Variants in CRY1 observed in about 807,000 individuals in gnomAD.
CRY1 encodes the protein cryptochrome-1.
In CRY1, 45 loss-of-function variants were observed where a neutral mutation model predicts 76.0. That is an observed-to-expected ratio of 0.59 (90% CI 0.47 to 0.76). CRY1 has a LOEUF of 0.76. Ranked by LOEUF, CRY1 falls within the 30% of genes least tolerant of loss-of-function variation. The pLI is 0.00. For missense variants in CRY1, 587 were observed against 716.4 expected, an observed-to-expected ratio of 0.82 and a Z score of 2.06; for synonymous variants, 248 against 244.0, an observed-to-expected ratio of 1.02 and a Z score of -0.15.
intron 2 of CRY1, 57 bp from the exon 3 acceptor site, chr12:107,005,305 T>C: frequency 2.6e-6 from 4 of 1,517,578 alleles, no homozygotes; most frequent in Non-Finnish European, 3.5e-6. Flanking sequence ...TTTTTTCTAT[T>C]ATAACGAAAA....
rs1274380642 is a variant in CRY1 at position 107,001,342 on chromosome 12, C to T, written c.622G>A (p.Ala208Thr). 1.2e-6 allele frequency: 2 copies of T among 1,613,456 alleles called. No individual in the cohort carries two copies. The highest frequency in any genetic ancestry group is 1.1e-5 in the South Asian group (1 of 90,882). The change falls in exon 5 of 13, where the codon GCA becomes ACA. Residue 208 changes from alanine to threonine, a missense_variant. Transcript: ENST00000008527. The part of the protein sequence containing the change: ...LGFDTDGLSS[A>T]VWPGGETEAL... ...TCAGTTTCTCCACCTGGCCACACTG[C>T]AGAGGATAAGCCATCTGTATCAAAA...
rs1356011359 is a variant in CRY1 at position 106,997,983 on chromosome 12, T to C, written c.1221A>G (p.Gln407=). The C allele has an allele frequency of 6.8e-6, 11 of 1,614,040 alleles. No homozygotes were observed. Among genetic ancestry groups the C allele is most frequent in the Middle Eastern group, 1.7e-4 (1 of 6,058 alleles). The change falls in exon 8 of 13, where the codon CAA becomes CAG. Residue 407 remains glutamine (Q), a synonymous_variant. Coordinates refer to ENST00000008527, the MANE Select transcript of CRY1 (RefSeq NM_004075.5). ...CAGGGCAATAGCAGTGAAAAAACTG[T>C]TGAAAAAAGGAACTACAAGACAGCC... ...WMWLSCSSFF[Q]QFFHCYCPVG... is the part of the protein sequence containing the mutation.
intron 9 of CRY1, 35 bp downstream of exon 9, chr12:106,997,453 A>T (rs1952245749): frequency 6.2e-7 from 1 of 1,612,968 alleles, no homozygotes; most frequent in African/African-American, 1.3e-5. Context: ...GTACATAAAC[A>T]GCTGCCAAAG....
At position 107,093,377 on chromosome 12, in the gene CRY1, A is replaced by C; in HGVS notation, c.-416T>G. On this transcript the variant is annotated 5_prime_UTR_variant, in exon 1 of 13. Coordinates refer to ENST00000008527, the MANE Select transcript of CRY1 (RefSeq NM_004075.5). The stretch of plus-strand genomic sequence containing the variant: ...CCACCAAGGCGGCCCCTAAAGACAA[A>C]ACGGCCCGCCCGAGGTGAGTCACCG... 69 of 159,890 alleles carry C rather than the reference A, an allele frequency of 4.3e-4. No homozygotes were observed. Among genetic ancestry groups the C allele is most frequent in the East Asian group, 9.3e-4 (5 of 5,392 alleles). 9.9% of individuals were successfully genotyped at this position (159,890 alleles called of 1,614,324 possible). A position where few individuals can be genotyped will look rare whatever the true frequency, so the allele number is the denominator to read the frequency against.
chr12:107,066,242 A>ATT (rs1953108890), intron 1 of CRY1, among the ~76,000 whole-genome samples: 1 of 152,192 alleles, frequency 6.6e-6, no homozygotes, highest in African/African-American at 2.4e-5. Flanking sequence ...TAATTTTTAA[A>ATT]AGTTTATCCT....
chr12:107,027,727 A>G (rs1384580486), intron 1 of CRY1, among the ~76,000 whole-genome samples: 1 of 152,186 alleles, frequency 6.6e-6, no homozygotes, highest in African/African-American at 2.4e-5. Flanking sequence ...ATCAACAGAA[A>G]TATTTTCCTA....
At chr12:107,021,213 G>A (rs563195338) in intron 2 of CRY1, among the ~76,000 whole-genome samples, 1 of 152,312 alleles carries the variant, frequency 6.6e-6, no homozygotes, top group Non-Finnish European at 1.5e-5. Context: ...AACCCAGGAG[G>A]CAGAGGTTGT....
intron 2 of CRY1, among the ~76,000 whole-genome samples, chr12:107,010,974 A>G (rs1952438018): frequency 6.6e-6 from 1 of 152,192 alleles, no homozygotes; most frequent in Non-Finnish European, 1.5e-5. Context: ...TAAGTGTTCA[A>G]GTGAAACGAG....
intron 2 of CRY1, among the ~76,000 whole-genome samples, chr12:107,015,156 G>A (rs1243763811): frequency 9.2e-5 from 14 of 152,250 alleles, no homozygotes; most frequent in East Asian, 1.9e-4. Flanking sequence ...GATTACAGGC[G>A]TGAGCCACCA....
intron 1 of CRY1, among the ~76,000 whole-genome samples, chr12:107,048,280 C>T (rs372406156): frequency 7.9e-5 from 12 of 152,088 alleles, no homozygotes; most frequent in East Asian, 3.8e-4. Context: ...CAGGGTTTCA[C>T]TACGTTGGCC....
At chr12:107,038,173 G>C (rs1952758446) in intron 1 of CRY1, among the ~76,000 whole-genome samples, 1 of 152,130 alleles carries the variant, frequency 6.6e-6, no homozygotes, top group African/African-American at 2.4e-5. Flanking sequence ...TAAAAGAGTG[G>C]GGATCTGAAT....
chr12:107,068,036 T>C (rs904775263), intron 1 of CRY1, among the ~76,000 whole-genome samples: 3 of 152,224 alleles, frequency 2.0e-5, no homozygotes, highest in Non-Finnish European at 4.4e-5. Flanking sequence ...GTTGCTTATA[T>C]GTAGCAAGGG....
At chr12:107,016,161 T>C (rs141096097) in intron 2 of CRY1, among the ~76,000 whole-genome samples, 1,891 of 152,034 alleles carry the variant, frequency 0.012, 33 homozygotes, top group African/African-American at 0.043. Context: ...AATACAAAAA[T>C]TAGCTGGGCA....
At chr12:107,035,345 C>T (rs79842763) in intron 1 of CRY1, among the ~76,000 whole-genome samples, 1 of 152,028 alleles carries the variant, frequency 6.6e-6, no homozygotes. Context: ...TTATTGAGAG[C>T]CTATTAAGTG....
At chr12:107,014,778 C>T (rs1034027463) in intron 2 of CRY1, among the ~76,000 whole-genome samples, 5 of 152,098 alleles carry the variant, frequency 3.3e-5, no homozygotes, top group African/African-American at 1.2e-4. Flanking sequence ...TCCAGGACCC[C>T]CTGTGGATAC....
chr12:107,030,838 T>C lies in CRY1; in HGVS notation c.159-8646A>G, dbSNP rs543810933. ...AGATTTGAGTAGAGTTTAGAATTAA[T>C]AGGTGTTGCTTAAGGTGATAAAGCA... On this transcript the variant is annotated intron_variant, in intron 1 of 12. Transcript: ENST00000008527. 2.6e-5 allele frequency among the ~76,000 whole-genome samples: 4 copies of C among 152,176 alleles called. No homozygotes were observed. In the South Asian group the frequency reaches 8.3e-4, roughly 32 times the overall value.
rs114684999 is a variant in CRY1, at chr12:107,009,273, G to C, written c.268-4025C>G. On this transcript the variant is annotated intron_variant, in intron 2 of 12. Coordinates refer to ENST00000008527, the MANE Select transcript of CRY1 (RefSeq NM_004075.5). Reference sequence around the variant, plus strand: ...TTTAAAATATTGCAGGCTGGGCACGGTGGCTCACACCAGTGAGCTCTTTGG... The same window carrying C: ...TTTAAAATATTGCAGGCTGGGCACGCTGGCTCACACCAGTGAGCTCTTTGG... Among the ~76,000 whole-genome samples the C allele has an allele frequency of 1.1e-3, 168 of 152,016 alleles. 1 individual carries two copies. Among genetic ancestry groups the C allele is most frequent in the African/African-American group, 3.7e-3 (155 of 41,466 alleles).
Position 107,007,917 on chromosome 12 carries a change from CCTT to C in CRY1, c.268-2672_268-2670del, listed in dbSNP as rs554427427. 1.2e-4 allele frequency among the ~76,000 whole-genome samples: 19 copies of C among 152,244 alleles called. No homozygotes were observed. The East Asian group carries it at 3.7e-3, about 29-fold the overall frequency. On this transcript the variant is annotated intron_variant, in intron 2 of 12. Coordinates refer to ENST00000008527, the MANE Select transcript of CRY1 (RefSeq NM_004075.5). Reference sequence around the variant, plus strand: ...ATAAATAACACTTCCTGCCCCTTTTCCTTCTTGAGTTCAGTCACGTAAGCCAGG... The same window carrying C: ...ATAAATAACACTTCCTGCCCCTTTTCCTTGAGTTCAGTCACGTAAGCCAGG...
At chr12:107,007,977 T>C (rs775970468) in intron 2 of CRY1, among the ~76,000 whole-genome samples, 3 of 152,240 alleles carry the variant, frequency 2.0e-5, no homozygotes, top group Non-Finnish European at 1.5e-5. Context: ...GCCATATTAT[T>C]AGCAAAGCTG....
Sources: gnomAD v4.1 joint callset for allele counts (sites outside exome capture counted in the v4.1 genomes callset) on GRCh38, gnomAD v4.1.1 for gene constraint, MANE v1.5 for transcripts, NCBI Gene and HGNC (gene_info 2026-07-23, HGNC 2026-07-21) for gene names.